The following DIAPH2 variants were observed in gnomAD, a reference collection of about 807,000 sequenced individuals.
The protein encoded by DIAPH2 is diaphanous related formin 2, also known as protein diaphanous homolog 2.
DIAPH2 carries 35 observed loss-of-function variants against 92.7 expected under a neutral mutation model. That is an observed-to-expected ratio of 0.38 (90% confidence interval 0.29 to 0.50). DIAPH2 has a LOEUF of 0.50. Ranked by LOEUF, DIAPH2 falls within the 20% of genes least tolerant of loss-of-function variation. DIAPH2 has a pLI of 0.94. For synonymous variants in DIAPH2, 301 were observed against 280.4 expected (o/e 1.07, Z -0.73); for missense variants, 701 against 819.5 (o/e 0.86, Z 1.77).
chrX:97,031,035 A>G (rs993331223), intron 17 of DIAPH2, among the ~76,000 whole-genome samples: 10 of 111,630 alleles, frequency 9.0e-5, no homozygotes, highest in South Asian at 3.8e-4. Context: ...GGGCTTTACA[A>G]TATCTGTCCA....
At chrX:97,217,208 G>A (rs998085463) in intron 22 of DIAPH2, among the ~76,000 whole-genome samples, 1 of 111,657 alleles carries the variant, frequency 9.0e-6, no homozygotes, top group Non-Finnish European at 1.9e-5. Flanking sequence ...TATCAGTACA[G>A]AGGGTCAAGG....
At chrX:96,998,886 G>A (rs2066123111) in intron 17 of DIAPH2, among the ~76,000 whole-genome samples, 1 of 112,099 alleles carries the variant, frequency 8.9e-6, no homozygotes, top group African/African-American at 3.2e-5. Flanking sequence ...TAGGATTATT[G>A]ACAATTGAGT....
At chrX:97,438,355 G>GT (rs1275825737) in intron 26 of DIAPH2, among the ~76,000 whole-genome samples, 1,547 of 41,601 alleles carry the variant, frequency 0.037, 205 homozygotes, top group Non-Finnish European at 0.044. Flanking sequence ...TTTTTTGTTT[G>GT]TTTGTTTTTT....
intron 23 of DIAPH2, among the ~76,000 whole-genome samples, chrX:97,342,794 C>A (rs1182300670): frequency 3.6e-5 from 4 of 111,747 alleles, no homozygotes; most frequent in Non-Finnish European, 7.5e-5. Flanking sequence ...TAAAATAGGT[C>A]AGAGTAACAG....
chrX:96,919,491 T>G (rs1226415946), intron 9 of DIAPH2, among the ~76,000 whole-genome samples: 6 of 111,653 alleles, frequency 5.4e-5, no homozygotes, highest in Non-Finnish European at 1.1e-4. Context: ...TCTGAATTTT[T>G]TTTTAGTTCT....
chrX:97,074,643 GGAATAT>G, intron 18 of DIAPH2, among the ~76,000 whole-genome samples: 1 of 111,983 alleles, frequency 8.9e-6, no homozygotes, highest in Non-Finnish European at 1.9e-5. Flanking sequence ...GTGTACCACA[GGAATAT>G]AAGCAGGAAT....
At chrX:97,128,303 G>A (rs1398730177) in intron 21 of DIAPH2, among the ~76,000 whole-genome samples, 1 of 110,866 alleles carries the variant, frequency 9.0e-6, no homozygotes, top group Non-Finnish European at 1.9e-5. Context: ...GCTGGTGGGA[G>A]TGTAGCAGTG....
At chrX:97,537,886 C>CTTT (rs778796568) in intron 26 of DIAPH2, among the ~76,000 whole-genome samples, 2 of 92,350 alleles carry the variant, frequency 2.2e-5, no homozygotes, top group Non-Finnish European at 4.3e-5. Flanking sequence ...AGACTAAATT[C>CTTT]TTTTTTTTTT....
intron 25 of DIAPH2, among the ~76,000 whole-genome samples, chrX:97,409,231 A>G (rs769728131): frequency 1.8e-5 from 2 of 111,966 alleles, no homozygotes; most frequent in Non-Finnish European, 3.8e-5. Context: ...AAAAATTGGG[A>G]TAAGAAGTCA....
intron 4 of DIAPH2, among the ~76,000 whole-genome samples, chrX:96,879,820 C>A (rs1159702114): frequency 1.8e-5 from 2 of 110,187 alleles, no homozygotes; most frequent in Non-Finnish European, 3.8e-5. Context: ...ACCTCCACCT[C>A]CCGGGTTCAA....
intron 23 of DIAPH2, among the ~76,000 whole-genome samples, chrX:97,340,260 A>C (rs2069101277): frequency 8.9e-6 from 1 of 111,780 alleles, no homozygotes; most frequent in South Asian, 3.8e-4. Flanking sequence ...TAGTGTGTCC[A>C]TAACCAGCTT....
intron 25 of DIAPH2, among the ~76,000 whole-genome samples, chrX:97,409,322 T>G (rs1174312524): frequency 8.9e-6 from 1 of 112,020 alleles, no homozygotes; most frequent in African/African-American, 3.2e-5. Context: ...TGGGAAATCT[T>G]GTAAATAACA....
intron 5 of DIAPH2, among the ~76,000 whole-genome samples, chrX:96,896,050 T>C (rs1022743643): frequency 8.9e-6 from 1 of 111,885 alleles, no homozygotes; most frequent in African/African-American, 3.2e-5. Context: ...GTATATATCA[T>C]TGACATGTCT....
chrX:96,718,336 GTTTTTTTTTTTTTTTTTTTTTTTT>G (rs962776012), intron 1 of DIAPH2, among the ~76,000 whole-genome samples: 5 of 10,986 alleles, frequency 4.6e-4, no homozygotes, highest in African/African-American at 1.4e-3. Flanking sequence ...CATTTTCTTT[GTTTTTTTTTTTTTTTTTTTTTTTT>G]TTTTTTTTTT....
In DIAPH2 at chrX:96,798,309, C is replaced by T. The variant is rs1225693137; in HGVS notation, c.447+40051C>T. Among the ~76,000 whole-genome samples, 3 of 110,637 alleles carry T rather than the reference C, an allele frequency of 2.7e-5. 1 individual carries two copies. The highest frequency in any genetic ancestry group is 9.9e-5 in the African/African-American group (3 of 30,395). On this transcript the variant is annotated intron_variant, in intron 4 of 26. Coordinates refer to ENST00000324765, the MANE Select transcript of DIAPH2 (RefSeq NM_006729.5). Reference sequence around the variant, plus strand: ...TGATAGTTTTTTTAGCCTTTTTTTCCCTCTCTGTGCTTCAGATTGGTAGTT... The same window carrying T: ...TGATAGTTTTTTTAGCCTTTTTTTCTCTCTCTGTGCTTCAGATTGGTAGTT...
chrX:97,087,836 T>A (rs2066794283), intron 19 of DIAPH2, among the ~76,000 whole-genome samples: 1 of 111,214 alleles, frequency 9.0e-6, no homozygotes, highest in Non-Finnish European at 1.9e-5. Flanking sequence ...GAACTCATAG[T>A]CTTCATCCTT....
intron 24 of DIAPH2, among the ~76,000 whole-genome samples, chrX:97,367,095 T>G (rs1241367714): frequency 1.8e-5 from 2 of 111,611 alleles, no homozygotes; most frequent in Non-Finnish European, 3.8e-5. Context: ...TCCAACATGT[T>G]AAGCCTAATG....
chrX:97,500,985 A>G (rs2070794153), intron 26 of DIAPH2, among the ~76,000 whole-genome samples: 1 of 108,505 alleles, frequency 9.2e-6, no homozygotes, highest in Admixed American at 1.0e-4. Context: ...AATTAAAAAG[A>G]TGGCTAATAT....
At chrX:97,067,125 C>T (rs944327487) in intron 17 of DIAPH2, among the ~76,000 whole-genome samples, 1 of 111,729 alleles carries the variant, frequency 9.0e-6, no homozygotes, top group Non-Finnish European at 1.9e-5. Flanking sequence ...GAATCTCTTC[C>T]TGCCTATTGC....
Sources: allele counts gnomAD v4.1 joint callset (sites outside exome capture counted in the v4.1 genomes callset), GRCh38; gene constraint gnomAD v4.1.1; transcripts MANE v1.5; gene names NCBI Gene and HGNC (gene_info 2026-07-23, HGNC 2026-07-21).